Variants in CNTN5 observed in about 807,000 individuals in gnomAD.
CNTN5 encodes contactin-5.
A neutral mutation model predicts 129.1 loss-of-function variants in CNTN5; 77 were observed. The ratio of observed to expected loss-of-function variants is 0.60; its 90% CI spans 0.50 to 0.72. The LOEUF (loss-of-function observed/expected upper bound fraction) is 0.72, where lower values mean the gene tolerates loss of function less well. Among genes scored for constraint, CNTN5 ranks in the 30% least tolerant of loss-of-function variants. The probability of loss-of-function intolerance (pLI) is 0.00; values close to 1 mark genes in which losing one functional copy is unlikely to be tolerated. For missense variants in CNTN5, 1,478 were observed against 1,328.8 expected (o/e 1.11, Z -1.75); for synonymous variants, 509 against 465.6 (o/e 1.09, Z -1.20).
intron 6 of CNTN5, among the ~76,000 whole-genome samples, chr11:99,878,336 T>G (rs1211920721): frequency 6.6e-6 from 1 of 152,308 alleles, no homozygotes; most frequent in African/African-American, 2.4e-5. Flanking sequence ...AAGTTGACTT[T>G]ACTTTGATGA....
intron 2 of CNTN5, among the ~76,000 whole-genome samples, chr11:99,365,314 A>G (rs550046658): frequency 1.2e-4 from 18 of 152,210 alleles, no homozygotes; most frequent in Non-Finnish European, 2.6e-4. Context: ...TATAATAAAT[A>G]TGCCACAAAT....
chr11:99,462,728 C>T (rs796676456), intron 2 of CNTN5, among the ~76,000 whole-genome samples: 27 of 152,220 alleles, frequency 1.8e-4, no homozygotes, highest in African/African-American at 6.5e-4. Context: ...TGGCTGCTAC[C>T]TCATTGGTGA....
chr11:99,190,611 T>TAG, intron 1 of CNTN5, among the ~76,000 whole-genome samples: 1 of 151,764 alleles, frequency 6.6e-6, no homozygotes, highest in East Asian at 1.9e-4. Flanking sequence ...TGTAGAGGTC[T>TAG]TAAATTCATG....
chr11:99,889,652 C>T (rs1431613441), intron 6 of CNTN5, among the ~76,000 whole-genome samples: 1 of 151,380 alleles, frequency 6.6e-6, no homozygotes, highest in Non-Finnish European at 1.5e-5. Context: ...TCTCCTGCCT[C>T]AGCCTCCCGA....
intron 3 of CNTN5, among the ~76,000 whole-genome samples, chr11:99,626,475 G>T (rs573188607): frequency 6.6e-6 from 1 of 152,064 alleles, no homozygotes; most frequent in African/African-American, 2.4e-5. Context: ...TTACATCTCT[G>T]TTTCTCCAAA....
intron 1 of CNTN5, among the ~76,000 whole-genome samples, chr11:99,237,844 T>C (rs576397284): frequency 6.6e-6 from 1 of 152,348 alleles, no homozygotes; most frequent in East Asian, 1.9e-4. Context: ...TGCTCTTACT[T>C]TACTCTTGCA....
At position 99,053,126 on chromosome 11, in the gene CNTN5, A is replaced by G. The variant is rs931692861; in HGVS notation, c.-210+31856A>G. Among the ~76,000 whole-genome samples, 19 of 152,014 alleles carry G rather than the reference A, an allele frequency of 1.2e-4. No individual in the cohort carries two copies. In the East Asian group the frequency reaches 1.5e-3, roughly 12 times the overall value. ...CTATTTGTGTGACAAAAAGTTTAGG[A>G]CCAATTTGCTATGCTTTGAAGCCTC... On this transcript the variant is annotated intron_variant, in intron 1 of 24. Coordinates refer to ENST00000524871, the MANE Select transcript of CNTN5 (RefSeq NM_014361.4).
chr11:99,715,420 A>G (rs1289898047), intron 3 of CNTN5, among the ~76,000 whole-genome samples: 1 of 151,768 alleles, frequency 6.6e-6, no homozygotes, highest in African/African-American at 2.4e-5. Flanking sequence ...GAGACCACCA[A>G]GAGAGCAGAA....
At position 99,485,626 on chromosome 11, in the gene CNTN5, C is replaced by T. The variant is rs79713430; in HGVS notation, c.-70-70519C>T. 1.2e-3 allele frequency among the ~76,000 whole-genome samples: 176 copies of T among 151,878 alleles called. 1 individual carries two copies. Among genetic ancestry groups the T allele is most frequent in the African/African-American group, 4.0e-3 (164 of 41,440 alleles). On this transcript the variant is annotated intron_variant, in intron 2 of 24. Transcript: ENST00000524871. ...TTTATTGATTAATAAAAGCATCCTG[C>T]GGAATAAAAATATATACTAGGATAA...
chr11:99,819,483 T>C (rs1290620274), intron 3 of CNTN5, 61 bp from the exon 4 acceptor site: 4 of 1,437,666 alleles, frequency 2.8e-6, no homozygotes, highest in Non-Finnish European at 3.8e-6. Context: ...ACAATCTTCA[T>C]AAGAAAAAAA....
intron 2 of CNTN5, among the ~76,000 whole-genome samples, chr11:99,443,176 T>G (rs1047291005): frequency 2.0e-5 from 3 of 152,164 alleles, no homozygotes; most frequent in Non-Finnish European, 1.5e-5. Flanking sequence ...AGCGACTTGT[T>G]GAATAAAAGA....
Position 100,113,445 on chromosome 11 carries a change from A to T in CNTN5, c.1580+39151A>T, listed in dbSNP as rs1301418696. Among the ~76,000 whole-genome samples, 4 of 127,552 alleles carry T rather than the reference A, an allele frequency of 3.1e-5. 1 individual carries two copies. In the South Asian group the frequency reaches 9.9e-4, roughly 32 times the overall value. The allele number at this position is 127,552 out of a possible 152,430, so 83.7% of individuals were successfully genotyped here. ...AAAAAAAAAAAAAAAAAAAAAAAAA[A>T]AAAAAAAACAAGAAAGAAAAAAGAA... is the stretch of plus-strand genomic sequence containing the variant. On this transcript the variant is annotated intron_variant, in intron 13 of 24. Coordinates refer to ENST00000524871, the MANE Select transcript of CNTN5 (RefSeq NM_014361.4).
intron 1 of CNTN5, among the ~76,000 whole-genome samples, chr11:99,039,647 C>A (rs1241429283): frequency 6.6e-6 from 1 of 152,094 alleles, no homozygotes; most frequent in Admixed American, 6.6e-5. Flanking sequence ...TACCTTCTTA[C>A]CTCTGTGATT....
At chr11:100,172,178 ATAGTAGTTACTGTC>A (rs1947846459) in intron 13 of CNTN5, among the ~76,000 whole-genome samples, 1 of 152,038 alleles carries the variant, frequency 6.6e-6, no homozygotes, top group Non-Finnish European at 1.5e-5. Context: ...ATTAAAACTA[ATAGTAGTTACTGTC>A]TCTATCTGTA....
At chr11:99,912,426 A>T (rs1390051190) in intron 6 of CNTN5, among the ~76,000 whole-genome samples, 1 of 152,142 alleles carries the variant, frequency 6.6e-6, no homozygotes, top group South Asian at 2.1e-4. Flanking sequence ...AGTAGGTATG[A>T]TTAATTCATT....
intron 2 of CNTN5, among the ~76,000 whole-genome samples, chr11:99,385,035 A>G (rs1565539191): frequency 6.6e-6 from 1 of 152,168 alleles, no homozygotes; most frequent in East Asian, 1.9e-4. Context: ...CAGATAATAA[A>G]TGTTTGTTTG....
intron 24 of CNTN5, among the ~76,000 whole-genome samples, chr11:100,353,592 TTTTA>T (rs1952462242): frequency 6.6e-6 from 1 of 151,632 alleles, no homozygotes; most frequent in South Asian, 2.1e-4. Flanking sequence ...TGTTCTTGTT[TTTTA>T]TTTATTAAGC....
At chr11:99,084,948 C>A (rs1213176899) in intron 1 of CNTN5, among the ~76,000 whole-genome samples, 1 of 152,018 alleles carries the variant, frequency 6.6e-6, no homozygotes, top group African/African-American at 2.4e-5. Context: ...AGTAATTAAT[C>A]AAATAGGATT....
chr11:99,056,567 A>C (rs1864632753), intron 1 of CNTN5, among the ~76,000 whole-genome samples: 1 of 152,006 alleles, frequency 6.6e-6, no homozygotes, highest in Non-Finnish European at 1.5e-5. Flanking sequence ...TCATATTTTA[A>C]TAATTTTTAG....
Sources: allele counts gnomAD v4.1 joint callset (sites outside exome capture counted in the v4.1 genomes callset), GRCh38; gene constraint gnomAD v4.1.1; transcripts MANE v1.5; gene names NCBI Gene and HGNC (gene_info 2026-07-23, HGNC 2026-07-21).